Variants in MYZAP observed in about 807,000 individuals in gnomAD.
The protein encoded by MYZAP is GRINL1A complex locus upstream.
Under a neutral mutation model 69.4 loss-of-function variants are expected in MYZAP, and 66 were observed. The ratio of observed to expected loss-of-function variants is 0.95; its 90% CI spans 0.78 to 1.17. The LOEUF is 1.17. Among genes scored for constraint, MYZAP ranks in the 50% most tolerant of loss-of-function variants. The probability of loss-of-function intolerance (pLI) is 0.00; values close to 1 mark genes in which losing one functional copy is unlikely to be tolerated. For synonymous variants in MYZAP, 256 were observed against 205.9 expected (o/e 1.24, Z -2.09); for missense variants, 611 against 556.2 (o/e 1.10, Z -0.99).
chr15:57,626,266 T>G (rs1273770676), intron 5 of MYZAP, among the ~76,000 whole-genome samples: 4 of 152,080 alleles, frequency 2.6e-5, no homozygotes, highest in African/African-American at 9.7e-5. Context: ...AACACAGACT[T>G]CACTAAGGAC....
chr15:57,632,551 G>A lies in MYZAP; in HGVS notation c.796G>A (p.Ala266Thr). 3 of 1,614,022 alleles carry A rather than the reference G, an allele frequency of 1.9e-6. No individual in the cohort carries two copies. The highest frequency in any genetic ancestry group is 2.7e-5 in the African/African-American group (2 of 75,038). Residue 266 changes from alanine (A) to threonine (T), a missense_variant, in exon 7 of 13, where the codon GCT (alanine) becomes ACT (threonine). By Grantham distance (58) the Ala-to-Thr change is moderately conservative. Coordinates refer to ENST00000267853, the MANE Select transcript of MYZAP (RefSeq NM_001018100.5). ...EQRKHSAEKE[A>T]LLEETNSFLK... ...GAGGAAGCACAGTGCTGAGAAGGAG[G>A]CTCTTTTGGTGTGTGTGTTGTAGCT...
rs763928814 is a variant in MYZAP, at chr15:57,604,302, C to A, written c.109C>A (p.Pro37Thr). Residue 37 changes from proline (P) to threonine (T), a missense_variant, in exon 2 of 13, where the codon CCT becomes ACT. By Grantham distance (38) the Pro-to-Thr change is conservative. Coordinates refer to ENST00000267853, the MANE Select transcript of MYZAP (RefSeq NM_001018100.5). ...TTGCAGACTACGGCTGACCGTACCTCCTGAGAGTCCAGTTCCTGAGCAATG... is the reference window on the plus strand; with the variant it reads ...TTGCAGACTACGGCTGACCGTACCTACTGAGAGTCCAGTTCCTGAGCAATG... ...NVCRLRLTVP[P>T]ESPVPEQCEK... The A allele has an allele frequency of 6.2e-6, 10 of 1,614,192 alleles. No individual in the cohort carries two copies. Among genetic ancestry groups the A allele is most frequent in the Non-Finnish European group, 7.6e-6 (9 of 1,180,032 alleles).
intron 11 of MYZAP, among the ~76,000 whole-genome samples, chr15:57,667,892 T>C (rs1464242117): frequency 6.6e-6 from 1 of 152,210 alleles, no homozygotes; most frequent in Non-Finnish European, 1.5e-5. Flanking sequence ...CACCAAAGAT[T>C]CTGTTTCAGT....
chr15:57,649,644 G>C (rs762675200), intron 10 of MYZAP, among the ~76,000 whole-genome samples: 11 of 152,050 alleles, frequency 7.2e-5, no homozygotes, highest in African/African-American at 1.2e-4. Flanking sequence ...TCTTCTCCTA[G>C]TCAATGTTTT....
chr15:57,680,230 GACTC>G (rs1367405528), intron 12 of MYZAP, among the ~76,000 whole-genome samples: 31 of 152,176 alleles, frequency 2.0e-4, no homozygotes, highest in South Asian at 4.1e-4. Context: ...TTTGCTCCTT[GACTC>G]ACTCACTCAT....
chr15:57,649,221 G>A (rs1367442136), intron 10 of MYZAP, among the ~76,000 whole-genome samples: 8 of 152,210 alleles, frequency 5.3e-5, no homozygotes, highest in African/African-American at 1.4e-4. Context: ...GGAAGTATAC[G>A]TAAAGGAGGA....
At chr15:57,600,937 G>A (rs576151154) in intron 1 of MYZAP, among the ~76,000 whole-genome samples, 121 of 152,150 alleles carry the variant, frequency 8.0e-4, no homozygotes, top group African/African-American at 2.9e-3. Context: ...AATTAGCCAG[G>A]CATGGTGATG....
At chr15:57,616,822 C>CTTTTTTGTTTTTTTTTTTTT (rs2035486656) in intron 2 of MYZAP, among the ~76,000 whole-genome samples, 1 of 50,058 alleles carries the variant, frequency 2.0e-5, no homozygotes, top group Non-Finnish European at 3.5e-5. Flanking sequence ...AAAAAAAGTG[C>CTTTTTTGTTTTTTTTTTTTT]TTTTTTTTTT....
intron 11 of MYZAP, among the ~76,000 whole-genome samples, chr15:57,668,309 G>GAAT (rs1338398423): frequency 3.0e-4 from 45 of 152,306 alleles, no homozygotes; most frequent in African/African-American, 1.1e-3. Context: ...CCTGGTAGTG[G>GAAT]AATAGCTGGG....
At chr15:57,617,241 CAT>C (rs2035524296) in intron 2 of MYZAP, among the ~76,000 whole-genome samples, 1 of 152,080 alleles carries the variant, frequency 6.6e-6, no homozygotes, top group Non-Finnish European at 1.5e-5. Flanking sequence ...ATTGCTGTGT[CAT>C]AGAGTGGTTG....
In MYZAP at chr15:57,591,907, C is replaced by G; in HGVS notation, c.-128C>G. On this transcript the variant is annotated 5_prime_UTR_variant, in exon 1 of 13. Transcript: ENST00000267853. ...GCCCCCGGCCCCACCCCCGGGCCTTCGCGGTGCAGCTGAGGCTGCAAGTAG... is the reference window on the plus strand; with the variant it reads ...GCCCCCGGCCCCACCCCCGGGCCTTGGCGGTGCAGCTGAGGCTGCAAGTAG... 1.1e-6 allele frequency: 1 copy of G among 881,390 alleles called. No individual in the cohort carries two copies. Among genetic ancestry groups the G allele is most frequent in the Non-Finnish European group, 1.4e-6 (1 of 691,566 alleles). The allele number at this position is 881,390 out of a possible 1,614,324, so 54.6% of individuals were successfully genotyped here. A position where few individuals can be genotyped will look rare whatever the true frequency, so the allele number is the denominator to read the frequency against.
intron 1 of MYZAP, among the ~76,000 whole-genome samples, chr15:57,599,958 A>T (rs571298617): frequency 1.1e-4 from 16 of 152,314 alleles, no homozygotes; most frequent in African/African-American, 3.6e-4. Flanking sequence ...ATTTTCTCCC[A>T]GTCTTTGTTA....
intron 5 of MYZAP, among the ~76,000 whole-genome samples, chr15:57,627,618 A>G (rs2036237837): frequency 6.6e-6 from 1 of 152,100 alleles, no homozygotes; most frequent in African/African-American, 2.4e-5. Context: ...GTCCACTTTC[A>G]TTATTATTGA....
chr15:57,621,280 G>A (rs1344696290), intron 3 of MYZAP, among the ~76,000 whole-genome samples: 2 of 144,180 alleles, frequency 1.4e-5, no homozygotes, highest in South Asian at 4.4e-4. Context: ...GCATGATCTC[G>A]GCTCACTGCA....
chr15:57,651,484 G>C (rs2037724779), intron 10 of MYZAP, among the ~76,000 whole-genome samples: 1 of 152,182 alleles, frequency 6.6e-6, no homozygotes, highest in Admixed American at 6.5e-5. Flanking sequence ...CTTCCTCCCA[G>C]CCCTGCCAAC....
chr15:57,671,140 T>A (rs1482874404), intron 11 of MYZAP, among the ~76,000 whole-genome samples: 1 of 152,142 alleles, frequency 6.6e-6, no homozygotes, highest in East Asian at 1.9e-4. Context: ...AAACATTCTC[T>A]TAGTTTTTCT....
chr15:57,656,200 T>C (rs2038002861), intron 10 of MYZAP, among the ~76,000 whole-genome samples: 1 of 152,218 alleles, frequency 6.6e-6, no homozygotes, highest in African/African-American at 2.4e-5. Context: ...AAGATCATCT[T>C]GGCCCAACTG....
intron 2 of MYZAP, among the ~76,000 whole-genome samples, chr15:57,612,291 ATG>A (rs1426809583): frequency 1.3e-5 from 2 of 152,054 alleles, no homozygotes; most frequent in Middle Eastern, 3.2e-3. Flanking sequence ...GGCAGCCAGG[ATG>A]TGTGACCAGC....
intron 6 of MYZAP, among the ~76,000 whole-genome samples, chr15:57,630,835 CAT>C (rs1195156889): frequency 6.6e-6 from 1 of 152,206 alleles, no homozygotes; most frequent in African/African-American, 2.4e-5. Context: ...AGCGTATCCA[CAT>C]AGTTTATTGC....
Sources: allele counts gnomAD v4.1 joint callset (sites outside exome capture counted in the v4.1 genomes callset), GRCh38; gene constraint gnomAD v4.1.1; transcripts MANE v1.5; gene names NCBI Gene and HGNC (gene_info 2026-07-23, HGNC 2026-07-21).